Variants in SPRED2 observed in about 807,000 individuals in gnomAD.
SPRED2 encodes the protein sprouty-related, EVH1 domain-containing protein 2.
SPRED2 carries 47 observed loss-of-function variants against 43.0 expected under a neutral mutation model. That is an observed-to-expected ratio of 1.09 (90% CI 0.87 to 1.40). SPRED2 has a LOEUF of 1.40. Among genes scored for constraint, SPRED2 ranks in the 40% most tolerant of loss-of-function variants. SPRED2 has a pLI of 0.00. For synonymous variants in SPRED2, 225 were observed against 225.7 expected, an observed-to-expected ratio of 1.00 and a Z score of 0.03; for missense variants, 561 against 586.4, an observed-to-expected ratio of 0.96 and a Z score of 0.45.
chr2:65,343,278 G>C (rs1164329666), intron 2 of SPRED2, among the ~76,000 whole-genome samples: 1 of 152,096 alleles, frequency 6.6e-6, no homozygotes, highest in African/African-American at 2.4e-5. Context: ...TTCATTATTT[G>C]ACTATTATAT....
Position 65,316,735 on chromosome 2 carries a change from T to C in SPRED2, c.587A>G (p.Gln196Arg). 1.2e-6 allele frequency: 2 copies of C among 1,608,682 alleles called. No individual in the cohort carries two copies. The highest frequency in any genetic ancestry group is 1.7e-6 in the Non-Finnish European group (2 of 1,177,994). ...SYPTDHYHLD[Q>R]PMPRPYRQVS... ...CAGAGGAACAGGGCTGCTGCTCACC[T>C]GATCGAGGTGATAGTGGTCTGTGGG... is the stretch of plus-strand genomic sequence containing the variant. Residue 196 changes from glutamine to arginine, a missense_variant and splice_region_variant, in exon 5 of 6, where the codon CAG (glutamine) becomes CGG (arginine). By Grantham distance (43) the Gln-to-Arg change is conservative. This residue lies in a region of SPRED2 where 305 missense variants were observed against 282.4 expected (regional missense o/e 1.08). Transcript: ENST00000356388.
chr2:65,390,823 T>C (rs140445018), intron 1 of SPRED2, among the ~76,000 whole-genome samples: 104 of 152,286 alleles, frequency 6.8e-4, no homozygotes, highest in Non-Finnish European at 1.2e-3. Flanking sequence ...CAGTGGCTCA[T>C]GCCTGTAATC....
At chr2:65,394,535 C>T (rs148944520) in intron 1 of SPRED2, among the ~76,000 whole-genome samples, 1,948 of 152,300 alleles carry the variant, frequency 0.013, 26 homozygotes, top group Non-Finnish European at 0.019. Context: ...GTTTCACAGA[C>T]GCTAGATCCA....
At chr2:65,377,474 C>G (rs962032223) in intron 1 of SPRED2, 31 of 423,450 alleles carry the variant, frequency 7.3e-5, no homozygotes, top group Non-Finnish European at 1.5e-4. Context: ...GCCGACCCCC[C>G]AAAGCCTCAT....
At position 65,432,078 on chromosome 2, in the gene SPRED2, A is replaced by T; in HGVS notation, c.-91T>A. 6.5e-7 allele frequency: 1 copy of T among 1,545,064 alleles called. No homozygotes were observed. Among genetic ancestry groups the T allele is most frequent in the Admixed American group, 1.7e-5 (1 of 57,992 alleles). On this transcript the variant is annotated 5_prime_UTR_variant, in exon 1 of 6. Transcript: ENST00000356388. ...TCGCCCCCCTTCTTCACATCTCCGG[A>T]GATCGCCTGATTTGGGGAGGGGGGG...
chr2:65,374,435 T>C (rs1461561672), intron 1 of SPRED2, among the ~76,000 whole-genome samples: 3 of 152,262 alleles, frequency 2.0e-5, no homozygotes, highest in African/African-American at 7.2e-5. Flanking sequence ...TCTAAATTCA[T>C]TGTTCATTAC....
chr2:65,342,539 T>C (rs1293239383), intron 2 of SPRED2, among the ~76,000 whole-genome samples: 1 of 151,886 alleles, frequency 6.6e-6, no homozygotes, highest in African/African-American at 2.4e-5. Context: ...ATTCTAATAC[T>C]GGTAGCAGCT....
At chr2:65,352,690 C>A (rs112973062) in intron 1 of SPRED2, among the ~76,000 whole-genome samples, 2 of 152,352 alleles carry the variant, frequency 1.3e-5, no homozygotes, top group African/African-American at 4.8e-5. Flanking sequence ...GTGGCGCGAT[C>A]TCAGCTCACT....
chr2:65,310,458 TACACACACACACACACAC>T (rs55916427), downstream of SPRED2, among the ~76,000 whole-genome samples: 81 of 137,988 alleles, frequency 5.9e-4, no homozygotes, highest in African/African-American at 1.2e-3. Context: ...TCCTCCAAAC[TACACACACACACACACAC>T]ACACACACAC....
intron 1 of SPRED2, among the ~76,000 whole-genome samples, chr2:65,403,707 AC>A (rs1675957672): frequency 6.6e-6 from 1 of 152,028 alleles, no homozygotes; most frequent in South Asian, 2.1e-4. Context: ...CTCAGGCCCC[AC>A]CCCAGGCCTG....
At chr2:65,351,700 T>C (rs1342721749) in intron 1 of SPRED2, among the ~76,000 whole-genome samples, 5 of 152,386 alleles carry the variant, frequency 3.3e-5, no homozygotes, top group Non-Finnish European at 5.9e-5. Context: ...TATGTGTGTA[T>C]GAAGTATATG....
intron 3 of SPRED2, among the ~76,000 whole-genome samples, chr2:65,333,063 C>T (rs1166661658): frequency 1.3e-5 from 2 of 151,914 alleles, no homozygotes; most frequent in Non-Finnish European, 2.9e-5. Flanking sequence ...GTCAGGAGTT[C>T]AAGACCAGCC....
chr2:65,363,283 G>A (rs1449903300), intron 1 of SPRED2, among the ~76,000 whole-genome samples: 2 of 150,736 alleles, frequency 1.3e-5, no homozygotes, highest in South Asian at 2.1e-4. Flanking sequence ...GAATGCGCAC[G>A]GTTTCCACAA....
At chr2:65,318,713 C>T (rs1372266058) in intron 4 of SPRED2, among the ~76,000 whole-genome samples, 14 of 151,672 alleles carry the variant, frequency 9.2e-5, no homozygotes, top group Admixed American at 9.2e-4. Flanking sequence ...GCTTTGTCAC[C>T]CAAGCTGGAG....
At position 65,313,174 on chromosome 2, in the gene SPRED2, G is replaced by GA; in HGVS notation, c.*326dup. On this transcript the variant is annotated 3_prime_UTR_variant, in exon 6 of 6. Coordinates refer to ENST00000356388, the MANE Select transcript of SPRED2 (RefSeq NM_181784.3). The stretch of plus-strand genomic sequence containing the variant: ...TGAACTGGAAGAGGCGGGGGAGGAG[G>GA]AAACAGGAAATCAACACATGGATGA... 1 of 1,055,982 alleles carries GA rather than the reference G, an allele frequency of 9.5e-7. No homozygotes were observed. Among genetic ancestry groups the GA allele is most frequent in the South Asian group, 4.5e-5 (1 of 22,140 alleles). 65.4% of individuals were successfully genotyped at this position (1,055,982 alleles called of 1,614,324 possible). A position where few individuals can be genotyped will look rare whatever the true frequency, so the allele number is the denominator to read the frequency against.
At chr2:65,422,114 T>A (rs150681583) in intron 1 of SPRED2, among the ~76,000 whole-genome samples, 27,763 of 122,054 alleles carry the variant, frequency 0.23, 2,867 homozygotes, top group African/African-American at 0.33. Context: ...ACTCTCTCTC[T>A]CTCTCTCTCT....
At chr2:65,352,138 C>T (rs1156424626) in intron 1 of SPRED2, among the ~76,000 whole-genome samples, 2 of 152,160 alleles carry the variant, frequency 1.3e-5, no homozygotes, top group Admixed American at 6.5e-5. Context: ...TCATAAATGC[C>T]CACAGTAGAA....
At position 65,313,657 on chromosome 2, in the gene SPRED2, G is replaced by C. The variant is rs559619429; in HGVS notation, c.1101C>G (p.Cys367Trp). 2 of 1,614,174 alleles carry C rather than the reference G, an allele frequency of 1.2e-6. No individual in the cohort carries two copies. Among genetic ancestry groups the C allele is most frequent in the Non-Finnish European group, 1.7e-6 (2 of 1,180,020 alleles). ...PEGDYTDPCS[C>W]DTSDEKFCLR... is the part of the protein sequence containing the mutation. ...GGCAAAACTTCTCGTCGCTAGTATC[G>C]CACGAGCAAGGGTCTGTATAGTCTC... The change falls in exon 6 of 6, where the codon TGC becomes TGG. Residue 367 changes from cysteine to tryptophan, a missense_variant. Cys to Trp is a radical substitution (Grantham distance 215). This residue lies in a region of SPRED2 where 65 missense variants were observed against 60.2 expected (regional missense o/e 1.08). Transcript: ENST00000356388.
intron 1 of SPRED2, among the ~76,000 whole-genome samples, chr2:65,430,211 C>T (rs912410349): frequency 2.0e-5 from 3 of 152,134 alleles, no homozygotes; most frequent in Non-Finnish European, 4.4e-5. Flanking sequence ...GCCCTAAAAG[C>T]GCAACTTTTT....
Sources: allele counts gnomAD v4.1 joint callset (sites outside exome capture counted in the v4.1 genomes callset), GRCh38; gene constraint gnomAD v4.1.1; regional missense constraint gnomAD v4.1.1; transcripts MANE v1.5; gene names NCBI Gene and HGNC (gene_info 2026-07-23, HGNC 2026-07-21).